The following DUOX1 variants were observed in gnomAD, a reference collection of about 807,000 sequenced individuals.
The protein encoded by DUOX1 is dual oxidase 1, also known as NADPH thyroid oxidase 1.
A neutral mutation model predicts 181.8 loss-of-function variants in DUOX1; 134 were observed. That is an observed-to-expected ratio of 0.74 (90% CI 0.64 to 0.85). The LOEUF is 0.85. DUOX1 is among the 40% of genes least tolerant of loss of function. The probability of loss-of-function intolerance (pLI) is 0.00; values close to 1 mark genes in which losing one functional copy is unlikely to be tolerated. For missense variants in DUOX1, 1,814 were observed against 2,064.4 expected, an observed-to-expected ratio of 0.88 and a Z score of 2.35; for synonymous variants, 798 against 832.5, an observed-to-expected ratio of 0.96 and a Z score of 0.71.
Position 45,160,920 on chromosome 15 carries a change from C to T in DUOX1, c.3786C>T (p.Gly1262=), listed in dbSNP as rs766484602. The T allele has an allele frequency of 3.7e-6, 6 of 1,613,864 alleles. No homozygotes were observed. The Admixed American group carries it at 5.0e-5, about 13-fold the overall frequency. Reference sequence around the variant, plus strand: ...TGGTCCCAGCAATCATCTATGGGGGCGACAAGCTGGTGAGCCTGAGCCGGA... The same window carrying T: ...TGGTCCCAGCAATCATCTATGGGGGTGACAAGCTGGTGAGCCTGAGCCGGA... ...FFLVPAIIYG[G]DKLVSLSRKK... The change falls in exon 29 of 34, where the codon GGC becomes GGT. Residue 1262 remains glycine, a synonymous_variant. Coordinates refer to ENST00000389037, the MANE Select transcript of DUOX1 (RefSeq NM_175940.3).
chr15:45,164,572 AATCCTCCT>A (rs1472579040), intron 33 of DUOX1, among the ~76,000 whole-genome samples, 199 bp from the exon 34 acceptor site: 1 of 152,026 alleles, frequency 6.6e-6, no homozygotes, highest in African/African-American at 2.4e-5. Context: ...GGGCACAAGC[AATCCTCCT>A]GCCTCAGCCT....
intron 33 of DUOX1, 73 bp from the exon 34 acceptor site, chr15:45,164,706 C>G: frequency 6.4e-7 from 1 of 1,567,170 alleles, no homozygotes; most frequent in Non-Finnish European, 8.8e-7. Flanking sequence ...AGGGAGCTAC[C>G]CCTTCCTCTG....
At chr15:45,133,808 C>T in intron 2 of DUOX1, 56 bp from the exon 3 acceptor site, 2 of 1,503,596 alleles carry the variant, frequency 1.3e-6, no homozygotes, top group Non-Finnish European at 9.2e-7. Context: ...GGCAGGCCTG[C>T]CTGTCCTCTC....
chr15:45,156,685 C>A (rs1449387829), intron 28 of DUOX1, among the ~76,000 whole-genome samples: 1 of 152,196 alleles, frequency 6.6e-6, no homozygotes, highest in African/African-American at 2.4e-5. Flanking sequence ...CCCACCTCGG[C>A]CTCCCAAAGT....
chr15:45,158,193 A>G (rs1002456879), intron 28 of DUOX1, among the ~76,000 whole-genome samples: 5 of 152,206 alleles, frequency 3.3e-5, no homozygotes, highest in Admixed American at 6.5e-5. Context: ...ACAGAGCAGC[A>G]TGACGTCACC....
intron 15 of DUOX1, 104 bp from the exon 16 acceptor site, chr15:45,143,086 G>T: frequency 1.2e-6 from 1 of 808,424 alleles, no homozygotes; most frequent in Non-Finnish European, 2.0e-6. Flanking sequence ...TGACCTAGGA[G>T]GTGGGGACAA....
At chr15:45,155,585 A>G (rs920368490) in intron 27 of DUOX1, 4 of 614,264 alleles carry the variant, frequency 6.5e-6, no homozygotes, top group African/African-American at 1.9e-5. Flanking sequence ...AAAAAAAAAA[A>G]AAAATCATGG....
Position 45,151,086 on chromosome 15 carries a change from A to T in DUOX1, c.2889-37A>T, listed in dbSNP as rs778439236. On this transcript the variant is annotated intron_variant, in intron 22 of 33. Coordinates refer to ENST00000389037, the MANE Select transcript of DUOX1 (RefSeq NM_175940.3). ...GATAGCAGAGGAACGAGTGGTTGAG[A>T]TGGCCAGCATCCTATCTCTTACCAT... 5 of 1,610,970 alleles carry T rather than the reference A, an allele frequency of 3.1e-6. No homozygotes were observed. The East Asian group carries it at 8.9e-5, about 29-fold the overall frequency.
At chr15:45,148,643 T>TATG in intron 21 of DUOX1, 196 bp downstream of exon 21, 1 of 391,170 alleles carries the variant, frequency 2.6e-6, no homozygotes, top group Non-Finnish European at 4.0e-6. Context: ...ACAATATAAT[T>TATG]TTAAAATATT....
rs993762322 is a variant in DUOX1 at position 45,134,246 on chromosome 15, A to G, written c.244A>G (p.Ile82Val). The G allele has an allele frequency of 2.5e-5, 40 of 1,591,256 alleles. No homozygotes were observed. Among genetic ancestry groups the G allele is most frequent in the Admixed American group, 1.7e-4 (9 of 54,526 alleles). ...CAACCCCCGAGACCTTAGCAACACC[A>G]TCTCAAGGGGCCCTGCAGGGCTGGC... ...LPNPRDLSNTISRGPAGLASL... is the reference protein window; with the variant it reads ...LPNPRDLSNTVSRGPAGLASL... Residue 82 changes from isoleucine (I) to valine (V), a missense_variant, in exon 4 of 34, where the codon ATC (isoleucine) becomes GTC (valine). Physicochemically the swap from Ile to Val is conservative, Grantham distance 29. Transcript: ENST00000389037.
In DUOX1 at chr15:45,152,351, C is replaced by T. The variant is rs757159000; in HGVS notation, c.3259C>T (p.Arg1087Trp). ...DTTRVGIILSRGTAASISFMF... is the reference protein window; with the variant it reads ...DTTRVGIILSWGTAASISFMF... The stretch of plus-strand genomic sequence containing the variant: ...CACCCGCGTGGGAATCATCCTGTCG[C>T]GGGGCACAGCAGCCAGCATCTCTTT... The change falls in exon 25 of 34, where the codon CGG becomes TGG. Residue 1087 changes from arginine to tryptophan, a missense_variant. Physicochemically the swap from Arg to Trp is moderately radical, Grantham distance 101 (BLOSUM62 -3). Around this residue, in one of 5 missense-constraint regions of DUOX1, gnomAD observed 1,064 missense variants for 1,152.9 expected, o/e 0.92. Coordinates refer to ENST00000389037, the MANE Select transcript of DUOX1 (RefSeq NM_175940.3). 1.1e-5 allele frequency: 17 copies of T among 1,614,204 alleles called. No individual in the cohort carries two copies. Among genetic ancestry groups the T allele is most frequent in the Non-Finnish European group, 1.4e-5 (17 of 1,180,036 alleles).
chr15:45,141,977 G>A lies in DUOX1; in HGVS notation c.1687G>A (p.Asp563Asn). 1 of 1,610,132 alleles carries A rather than the reference G, an allele frequency of 6.2e-7. No individual in the cohort carries two copies. The highest frequency in any genetic ancestry group is 1.1e-5 in the South Asian group (1 of 90,652). The change falls in exon 15 of 34, where the codon GAC becomes AAC. Residue 563 changes from aspartate (D) to asparagine (N), a missense_variant and splice_region_variant. Around this residue, in one of 5 missense-constraint regions of DUOX1, gnomAD observed 1,064 missense variants for 1,152.9 expected, o/e 0.92. Transcript: ENST00000389037. ...QPNVFVWHKG[D>N]PCPQPRQLST... The stretch of plus-strand genomic sequence containing the variant: ...GCTGGCTTCCTCTGCCTTCCCAGGA[G>A]ACCCCTGTCCGCAGCCGAGACAGCT...
chr15:45,158,380 G>A (rs765372943), intron 28 of DUOX1, among the ~76,000 whole-genome samples: 17 of 151,980 alleles, frequency 1.1e-4, no homozygotes, highest in Non-Finnish European at 2.4e-4. Context: ...CTGGGGGAAG[G>A]GAACGCCTGA....
intron 18 of DUOX1, among the ~76,000 whole-genome samples, chr15:45,146,971 C>A (rs997283528): frequency 5.3e-5 from 8 of 152,188 alleles, no homozygotes; most frequent in Admixed American, 3.3e-4. Context: ...ATAAGAGAAA[C>A]CCCAATAAGC....
At chr15:45,137,229 G>A (rs1896344855) in intron 9 of DUOX1, among the ~76,000 whole-genome samples, 2 of 148,218 alleles carry the variant, frequency 1.3e-5, no homozygotes, top group South Asian at 4.3e-4. Flanking sequence ...GCATGGTGGT[G>A]CATGCCTGTA....
chr15:45,160,044 C>T (rs1231275554), intron 28 of DUOX1, among the ~76,000 whole-genome samples: 4 of 152,032 alleles, frequency 2.6e-5, no homozygotes, highest in African/African-American at 7.2e-5. Flanking sequence ...CCCAGCTACT[C>T]GGGAGGCTGA....
At chr15:45,138,642 G>A (rs1896401789) in intron 10 of DUOX1, 1 of 170,760 alleles carries the variant, frequency 5.9e-6, no homozygotes, top group Non-Finnish European at 1.2e-5. Flanking sequence ...CAGAGCCCTG[G>A]AGCTGAGTTG....
chr15:45,137,606 A>G (rs1298689304), intron 9 of DUOX1, among the ~76,000 whole-genome samples: 1 of 152,168 alleles, frequency 6.6e-6, no homozygotes, highest in East Asian at 1.9e-4. Context: ...AAATAGGTAT[A>G]TATGTACACA....
intron 31 of DUOX1, among the ~76,000 whole-genome samples, chr15:45,162,774 A>T (rs1163247204): frequency 1.3e-5 from 2 of 152,342 alleles, no homozygotes; most frequent in East Asian, 3.9e-4. Flanking sequence ...AGCACAAGTG[A>T]AACTGGCTCA....
Sources: gnomAD v4.1 joint callset for allele counts (sites outside exome capture counted in the v4.1 genomes callset) on GRCh38, gnomAD v4.1.1 for gene constraint, gnomAD v4.1.1 regional missense constraint, MANE v1.5 for transcripts, NCBI Gene and HGNC (gene_info 2026-07-23, HGNC 2026-07-21) for gene names.